The following COLEC12 variants were observed in gnomAD, a reference collection of about 807,000 sequenced individuals.
COLEC12 encodes the protein collectin subfamily member 12.
In COLEC12, 33 loss-of-function variants were observed where a neutral mutation model predicts 71.1. The observed-to-expected ratio is 0.46, with a 90% CI of 0.35 to 0.62. The LOEUF (loss-of-function observed/expected upper bound fraction) is 0.62. COLEC12 is among the 20% of genes least tolerant of loss of function. The pLI is 0.00. For synonymous variants in COLEC12, 350 were observed against 353.0 expected, an observed-to-expected ratio of 0.99 and a Z score of 0.10; for missense variants, 765 against 916.1, an observed-to-expected ratio of 0.84 and a Z score of 2.13.
chr18:380,957 G>T (rs1956695763), intron 2 of COLEC12, among the ~76,000 whole-genome samples: 1 of 152,146 alleles, frequency 6.6e-6, no homozygotes, highest in South Asian at 2.1e-4. Context: ...CCCCTGATGA[G>T]TGGTTCTATC....
In COLEC12 at chr18:357,377, GA is replaced by G; in HGVS notation, c.181+22del. On this transcript the variant is annotated intron_variant, in intron 3 of 9. Coordinates refer to ENST00000400256, the MANE Select transcript of COLEC12 (RefSeq NM_130386.3). ...ATGAAGGAACACTTGTTATTTGGAA[GA>G]AAAAAAAGAAAGCATGCTTACCTTT... 6.3e-6 allele frequency: 10 copies of G among 1,574,922 alleles called. No individual in the cohort carries two copies. The Admixed American group carries it at 8.2e-5, about 13-fold the overall frequency.
intron 3 of COLEC12, among the ~76,000 whole-genome samples, chr18:353,514 T>C (rs971883993): frequency 2.0e-5 from 3 of 152,216 alleles, no homozygotes; most frequent in African/African-American, 4.8e-5. Context: ...TTTCCTCCAA[T>C]AAAGAATCCC....
chr18:448,767 C>G (rs906939293), intron 2 of COLEC12, among the ~76,000 whole-genome samples: 2 of 152,026 alleles, frequency 1.3e-5, no homozygotes, highest in African/African-American at 4.8e-5. Context: ...TTGAACAGAT[C>G]CTTTTCTATT....
chr18:444,954 A>C (rs1916617373), intron 2 of COLEC12, among the ~76,000 whole-genome samples: 1 of 152,176 alleles, frequency 6.6e-6, no homozygotes, highest in Non-Finnish European at 1.5e-5. Context: ...TCATGTTTTA[A>C]GCTATGTCTA....
intron 2 of COLEC12, among the ~76,000 whole-genome samples, chr18:363,448 G>A (rs1914791534): frequency 6.6e-6 from 1 of 152,146 alleles, no homozygotes; most frequent in Admixed American, 6.5e-5. Flanking sequence ...TTACCAAAGA[G>A]AAGCTTTAAA....
intron 2 of COLEC12, among the ~76,000 whole-genome samples, chr18:384,694 CT>C (rs1232318872): frequency 6.6e-6 from 1 of 152,216 alleles, no homozygotes; most frequent in Non-Finnish European, 1.5e-5. Context: ...ACACAGGGAA[CT>C]GGACTCCATG....
At chr18:382,135 G>C (rs1915246770) in intron 2 of COLEC12, among the ~76,000 whole-genome samples, 1 of 152,158 alleles carries the variant, frequency 6.6e-6, no homozygotes, top group South Asian at 2.1e-4. Flanking sequence ...GTATACTGTG[G>C]GTCAAACAGG....
chr18:341,166 T>C (rs1914243961), intron 5 of COLEC12, among the ~76,000 whole-genome samples: 1 of 152,222 alleles, frequency 6.6e-6, no homozygotes, highest in Non-Finnish European at 1.5e-5. Flanking sequence ...CTGCTGTCAG[T>C]AAACTCTCTG....
chr18:479,200 G>A (rs753050245), intron 2 of COLEC12, among the ~76,000 whole-genome samples: 3 of 151,888 alleles, frequency 2.0e-5, no homozygotes, highest in Non-Finnish European at 2.9e-5. Context: ...CCTTCAGTGC[G>A]TCCCCCCCGG....
chr18:353,504 T>C, intron 3 of COLEC12, among the ~76,000 whole-genome samples: 1 of 152,246 alleles, frequency 6.6e-6, no homozygotes, highest in Non-Finnish European at 1.5e-5. Context: ...CTAAATCTGG[T>C]TTCCTCCAAT....
chr18:331,652 G>A lies in COLEC12; in HGVS notation c.2063+16C>T. 6.6e-7 allele frequency: 1 copy of A among 1,505,518 alleles called. No homozygotes were observed. Among genetic ancestry groups the A allele is most frequent in the African/African-American group, 1.4e-5 (1 of 72,880 alleles). The allele number at this position is 1,505,518 out of a possible 1,614,324, so 93.3% of individuals were successfully genotyped here. On this transcript the variant is annotated intron_variant, in intron 8 of 9. Transcript: ENST00000400256. Reference sequence around the variant, plus strand: ...TGAGAGCCTGACCACCAATCTGGAAGCTTCTGAGTACTTACTTGTAGTCTG... The same window carrying A: ...TGAGAGCCTGACCACCAATCTGGAAACTTCTGAGTACTTACTTGTAGTCTG...
intron 8 of COLEC12, among the ~76,000 whole-genome samples, chr18:322,924 TA>T (rs928874086): frequency 6.6e-6 from 1 of 151,850 alleles, no homozygotes; most frequent in Non-Finnish European, 1.5e-5. Context: ...TTTTGGGATT[TA>T]AAAAAAATGA....
At chr18:387,221 T>C (rs1915363916) in intron 2 of COLEC12, among the ~76,000 whole-genome samples, 1 of 152,174 alleles carries the variant, frequency 6.6e-6, no homozygotes, top group African/African-American at 2.4e-5. Flanking sequence ...TGTTATTTCT[T>C]TTTCCAAGAG....
rs1033322885 is a variant in COLEC12, at chr18:319,233, T to C, written c.*812A>G. 11 of 151,526 alleles carry C rather than the reference T, an allele frequency of 7.3e-5. No homozygotes were observed. Among genetic ancestry groups the C allele is most frequent in the African/African-American group, 2.7e-4 (11 of 41,230 alleles). 9.4% of individuals were successfully genotyped at this position (151,526 alleles called of 1,614,324 possible). A position where few individuals can be genotyped will look rare whatever the true frequency, so the allele number is the denominator to read the frequency against. On this transcript the variant is annotated 3_prime_UTR_variant, in exon 10 of 10. Coordinates refer to ENST00000400256, the MANE Select transcript of COLEC12 (RefSeq NM_130386.3). ...CAGGCACAGCCCGCTTCACTGTGCATGTGTGCAGGCTTGATTGACACTGGC... is the reference window on the plus strand; with the variant it reads ...CAGGCACAGCCCGCTTCACTGTGCACGTGTGCAGGCTTGATTGACACTGGC...
intron 2 of COLEC12, among the ~76,000 whole-genome samples, chr18:376,887 C>G (rs1482779503): frequency 1.3e-5 from 2 of 152,192 alleles, no homozygotes; most frequent in Non-Finnish European, 2.9e-5. Context: ...TGTGAGTCCT[C>G]AGAGCTCTCC....
At chr18:416,673 G>C (rs1915992168) in intron 2 of COLEC12, among the ~76,000 whole-genome samples, 1 of 152,144 alleles carries the variant, frequency 6.6e-6, no homozygotes, top group Non-Finnish European at 1.5e-5. Context: ...CCCTGCCACG[G>C]CACAAACACT....
At position 319,825 on chromosome 18, in the gene COLEC12, G is replaced by A. The variant is rs1913657885; in HGVS notation, c.*220C>T. ...GGAGAATCTATGTGATTCAGTCCATGTGCACAATGAAAATCAGCATATCAC... is the reference window on the plus strand; with the variant it reads ...GGAGAATCTATGTGATTCAGTCCATATGCACAATGAAAATCAGCATATCAC... On this transcript the variant is annotated 3_prime_UTR_variant, in exon 10 of 10. Coordinates refer to ENST00000400256, the MANE Select transcript of COLEC12 (RefSeq NM_130386.3). 1.8e-6 allele frequency: 1 copy of A among 567,858 alleles called. No homozygotes were observed. The highest frequency in any genetic ancestry group is 3.2e-5 in the East Asian group (1 of 31,042). 35.2% of individuals were successfully genotyped at this position (567,858 alleles called of 1,614,324 possible). A position where few individuals can be genotyped will look rare whatever the true frequency, so the allele number is the denominator to read the frequency against.
At chr18:472,124 A>C (rs2143755449) in intron 2 of COLEC12, among the ~76,000 whole-genome samples, 1 of 152,354 alleles carries the variant, frequency 6.6e-6, no homozygotes, top group East Asian at 1.9e-4. Context: ...CTACAGGCAG[A>C]CAATACAGTT....
intron 2 of COLEC12, among the ~76,000 whole-genome samples, chr18:376,955 C>T (rs1915127544): frequency 6.6e-6 from 1 of 152,154 alleles, no homozygotes; most frequent in Admixed American, 6.5e-5. Context: ...CGAGCTCTTG[C>T]CTGAAGCGTT....
Sources: allele counts gnomAD v4.1 joint callset (sites outside exome capture counted in the v4.1 genomes callset), GRCh38; gene constraint gnomAD v4.1.1; transcripts MANE v1.5; gene names NCBI Gene and HGNC (gene_info 2026-07-23, HGNC 2026-07-21).